IQSEC1: variants seen among roughly 807,000 people sequenced by gnomAD.
The protein encoded by IQSEC1 is IQ motif and SEC7 domain-containing protein 1.
A neutral mutation model predicts 91.0 loss-of-function variants in IQSEC1; 31 were observed. The ratio of observed to expected loss-of-function variants is 0.34; its 90% CI spans 0.26 to 0.46. The LOEUF is 0.46. Ranked by LOEUF, IQSEC1 falls within the 20% of genes least tolerant of loss-of-function variation. The pLI, the probability that IQSEC1 is intolerant of heterozygous loss-of-function variation, is 1.00. For missense variants in IQSEC1, 1,388 were observed against 1,575.6 expected (o/e 0.88, Z 2.02); for synonymous variants, 699 against 662.6 (o/e 1.05, Z -0.84).
intron 1 of IQSEC1, among the ~76,000 whole-genome samples, chr3:13,014,833 G>C (rs1421210738): frequency 6.6e-6 from 1 of 152,136 alleles, no homozygotes; most frequent in Non-Finnish European, 1.5e-5. Flanking sequence ...GATCCTCAAG[G>C]TTCCACTCTG....
At chr3:13,080,650 C>A (rs916936541) in intron 2 of IQSEC1, among the ~76,000 whole-genome samples, 1 of 152,056 alleles carries the variant, frequency 6.6e-6, no homozygotes, top group African/African-American at 2.4e-5. Flanking sequence ...GGGAAGAAAC[C>A]CAGCAGGCAT....
intron 1 of IQSEC1, among the ~76,000 whole-genome samples, chr3:13,261,012 G>A (rs925144675): frequency 5.9e-5 from 9 of 152,180 alleles, no homozygotes; most frequent in South Asian, 2.1e-4. Flanking sequence ...CCTGACCGAC[G>A]GCCTCAAGCT....
rs751316517 is a variant in IQSEC1 at position 12,936,101 on chromosome 3, C to G, written c.915G>C (p.Ser305=). ...EEELSPPLPL[S]QAGDRPSSTE... is the part of the protein sequence containing the mutation. ...TGCTGGACGGCCGGTCCCCTGCCTG[C>G]GAGAGGGGCAGAGGGGGCGACAGCT... Residue 305 remains serine (S), a synonymous_variant, in exon 3 of 14, where the codon TCG becomes TCC. Transcript: ENST00000613206. 1 of 1,610,956 alleles carries G rather than the reference C, an allele frequency of 6.2e-7. No homozygotes were observed. The highest frequency in any genetic ancestry group is 2.2e-5 in the East Asian group (1 of 44,864).
At chr3:13,086,453 G>C (rs909294240) in intron 2 of IQSEC1, among the ~76,000 whole-genome samples, 2 of 152,220 alleles carry the variant, frequency 1.3e-5, no homozygotes, top group African/African-American at 4.8e-5. Flanking sequence ...GCCACCTGCA[G>C]GGCTGGGAAC....
intron 1 of IQSEC1, among the ~76,000 whole-genome samples, chr3:12,946,619 T>C (rs1576009049): frequency 6.6e-6 from 1 of 152,298 alleles, no homozygotes; most frequent in Middle Eastern, 3.4e-3. Context: ...TAATTCTGTA[T>C]CCACACACTG....
chr3:13,204,325 G>A (rs926532139), intron 1 of IQSEC1, among the ~76,000 whole-genome samples: 1 of 152,270 alleles, frequency 6.6e-6, no homozygotes, highest in South Asian at 2.1e-4. Flanking sequence ...TGACTCCCCC[G>A]ATGATCCCAG....
chr3:13,083,357 T>C (rs1705678774), intron 2 of IQSEC1, among the ~76,000 whole-genome samples: 2 of 152,324 alleles, frequency 1.3e-5, no homozygotes, highest in African/African-American at 2.4e-5. Context: ...TGAGAGGCAG[T>C]GTGGCAGCAG....
chr3:13,267,536 C>A (rs1020767537), intron 1 of IQSEC1, among the ~76,000 whole-genome samples: 15 of 152,016 alleles, frequency 9.9e-5, no homozygotes, highest in African/African-American at 3.4e-4. Flanking sequence ...GAATGAAAAT[C>A]TGGAAAAACG....
intron 1 of IQSEC1, among the ~76,000 whole-genome samples, chr3:13,066,286 C>A (rs1705225818): frequency 2.0e-5 from 3 of 152,248 alleles, no homozygotes; most frequent in African/African-American, 7.2e-5. Flanking sequence ...TCTATCTTAC[C>A]ACAATTTTAA....
intron 1 of IQSEC1, among the ~76,000 whole-genome samples, chr3:13,032,303 C>G (rs966422591): frequency 6.6e-6 from 1 of 152,248 alleles, no homozygotes; most frequent in African/African-American, 2.4e-5. Flanking sequence ...TGACCTCATG[C>G]GGTCCTCTAT....
Position 13,100,983 on chromosome 3 carries a change from C to A in IQSEC1, c.303-53461G>T, listed in dbSNP as rs1297025028. Among the ~76,000 whole-genome samples, 21 of 129,246 alleles carry A rather than the reference C, an allele frequency of 1.6e-4. 1 individual carries two copies. Among genetic ancestry groups the A allele is most frequent in the African/African-American group, 6.0e-4 (19 of 31,588 alleles). The allele number at this position is 129,246 out of a possible 152,430, so 84.8% of individuals were successfully genotyped here. A position where few individuals can be genotyped will look rare whatever the true frequency, so the allele number is the denominator to read the frequency against. ...AACGAGGCCTGCCATGGGAGGACCT[C>A]GAGCAAGAGTGCTCCAGACAGAGAA... On this transcript the variant is annotated intron_variant, in intron 2 of 15. Transcript: ENST00000648114.
chr3:13,221,626 C>T (rs1325867686), intron 1 of IQSEC1, among the ~76,000 whole-genome samples: 7 of 152,186 alleles, frequency 4.6e-5, no homozygotes, highest in African/African-American at 1.7e-4. Context: ...CTCCCAGGGC[C>T]CCAGGAACAG....
chr3:12,912,133 G>A (rs1196493161), intron 9 of IQSEC1, among the ~76,000 whole-genome samples: 1 of 152,246 alleles, frequency 6.6e-6, no homozygotes, highest in Non-Finnish European at 1.5e-5. Context: ...GTGAAGCTAT[G>A]CCTGGTGATG....
intron 1 of IQSEC1, among the ~76,000 whole-genome samples, chr3:13,015,394 G>A (rs962448594): frequency 2.0e-5 from 3 of 152,138 alleles, no homozygotes; most frequent in Admixed American, 6.5e-5. Context: ...GGCCCAGGGC[G>A]AGCCTGTGTG....
At chr3:13,264,381 C>G (rs1257982012) in intron 1 of IQSEC1, among the ~76,000 whole-genome samples, 1 of 152,190 alleles carries the variant, frequency 6.6e-6, no homozygotes, top group Non-Finnish European at 1.5e-5. Context: ...GGCAGAAGGG[C>G]GGACACGGTG....
chr3:12,924,610 C>A lies in IQSEC1; in HGVS notation c.1701G>T (p.Arg567=). The A allele has an allele frequency of 6.2e-7, 1 of 1,608,868 alleles. No individual in the cohort carries two copies. Among genetic ancestry groups the A allele is most frequent in the Non-Finnish European group, 8.5e-7 (1 of 1,177,102 alleles). Residue 567 remains arginine, a synonymous_variant, in exon 4 of 14, where the codon CGG becomes CGT. Transcript: ENST00000613206. This position sits in a 1 kb window ranked among gnomAD's most constrained non-coding sequence, Gnocchi z 6.3. ...GCACGTCACGGTTGAACTGCTTCTGCCGGTTGCCCAGGAACTCGCCGATCA... is the reference window on the plus strand; with the variant it reads ...GCACGTCACGGTTGAACTGCTTCTGACGGTTGCCCAGGAACTCGCCGATCA... ...RQMIGEFLGN[R]QKQFNRDVLD...
chr3:13,047,587 C>A (rs1433015371), intron 1 of IQSEC1: 2 of 866,126 alleles, frequency 2.3e-6, no homozygotes, highest in Non-Finnish European at 2.8e-6. Flanking sequence ...CCCTTGGGGG[C>A]CATGTCCACT....
chr3:13,237,710 C>G (rs2293246), intron 1 of IQSEC1, among the ~76,000 whole-genome samples: 58,425 of 152,192 alleles, frequency 0.38, 15,874 homozygotes, highest in African/African-American at 0.78. Flanking sequence ...CTCAGCTCCG[C>G]GGTCGGTTTC....
chr3:13,068,652 C>T (rs1462304340), intron 1 of IQSEC1, among the ~76,000 whole-genome samples: 3 of 152,214 alleles, frequency 2.0e-5, no homozygotes, highest in Non-Finnish European at 4.4e-5. Flanking sequence ...GTCCACTCTG[C>T]TCCAGCAACA....
Sources: gnomAD v4.1 joint callset for allele counts (sites outside exome capture counted in the v4.1 genomes callset) on GRCh38, gnomAD v4.1.1 for gene constraint, Gnocchi (gnomAD v3.1) non-coding constraint, MANE v1.5 for transcripts, NCBI Gene and HGNC (gene_info 2026-07-23, HGNC 2026-07-21) for gene names.